The following ZNF846 variants were observed in gnomAD, a reference collection of about 807,000 sequenced individuals.
ZNF846 encodes zinc finger protein 846.
In ZNF846, 15 loss-of-function variants were observed where a neutral mutation model predicts 16.0. That is an observed-to-expected ratio of 0.94 (90% CI 0.63 to 1.45). The LOEUF (loss-of-function observed/expected upper bound fraction) is 1.45. Among genes scored for constraint, ZNF846 ranks in the 40% most tolerant of loss-of-function variants. The pLI is 0.00. For synonymous variants in ZNF846, 229 were observed against 212.0 expected (o/e 1.08, Z -0.70); for missense variants, 714 against 622.3 (o/e 1.15, Z -1.57).
At chr19:9,779,095 G>C (rs1376939010) in intron 1 of ZNF846, among the ~76,000 whole-genome samples, 1 of 152,156 alleles carries the variant, frequency 6.6e-6, no homozygotes, top group Admixed American at 6.6e-5. Context: ...ATGAGGGTTA[G>C]ATTAATATCC....
At chr19:9,761,406 A>AG (rs1416685771) in intron 4 of ZNF846, among the ~76,000 whole-genome samples, 1 of 152,106 alleles carries the variant, frequency 6.6e-6, no homozygotes, top group African/African-American at 2.4e-5. Context: ...TGGCTATGTC[A>AG]GAAGTTTTGC....
intron 4 of ZNF846, among the ~76,000 whole-genome samples, chr19:9,761,821 T>C (rs1044079462): frequency 1.3e-5 from 2 of 152,058 alleles, no homozygotes; most frequent in South Asian, 2.1e-4. Flanking sequence ...TAAGAAGGTG[T>C]TGGCAAAGGA....
intron 1 of ZNF846, among the ~76,000 whole-genome samples, chr19:9,765,915 T>C (rs1035661962): frequency 6.6e-6 from 1 of 151,628 alleles, no homozygotes; most frequent in South Asian, 2.1e-4. Context: ...ATTAAATAAA[T>C]AAATAAACAA....
At chr19:9,770,866 C>CA (rs1268426406), upstream of ZNF846, among the ~76,000 whole-genome samples, 1 of 150,260 alleles carries the variant, frequency 6.7e-6, no homozygotes, top group Admixed American at 6.6e-5. Context: ...ACAACTGTCT[C>CA]AAAAAAATAA....
At chr19:9,785,024 C>T (rs555478004) in intron 1 of ZNF846, among the ~76,000 whole-genome samples, 2 of 152,214 alleles carry the variant, frequency 1.3e-5, no homozygotes, top group African/African-American at 4.8e-5. Context: ...TCTGATCTCT[C>T]TTTTCCCCAC....
downstream of ZNF846, among the ~76,000 whole-genome samples, chr19:9,754,871 TTTTC>T (rs1423805790): frequency 6.6e-6 from 1 of 151,234 alleles, no homozygotes; most frequent in Non-Finnish European, 1.5e-5. Flanking sequence ...GGGGATTTTT[TTTTC>T]TTTTTTTGAG....
At chr19:9,765,227 C>A (rs531798071) in intron 1 of ZNF846, among the ~76,000 whole-genome samples, 192 bp from the exon 2 acceptor site, 8 of 152,034 alleles carry the variant, frequency 5.3e-5, no homozygotes, top group Admixed American at 4.6e-4. Context: ...CCAAAAAAAC[C>A]AGCCAGGTGT....
At chr19:9,754,563 T>TCAAAAAAAAAAAAAAA (rs776769152), downstream of ZNF846, among the ~76,000 whole-genome samples, 29 of 83,768 alleles carry the variant, frequency 3.5e-4, 2 homozygotes, top group African/African-American at 9.9e-4. Context: ...AGACTCTGTC[T>TCAAAAAAAAAAAAAAA]TAAAAAAAAA....
At chr19:9,759,765 T>C (rs867767865) in intron 5 of ZNF846, 95 bp downstream of exon 5, 4 of 915,532 alleles carry the variant, frequency 4.4e-6, no homozygotes, top group Admixed American at 2.7e-5. Context: ...TCAGACTTTG[T>C]TTTCTCTGGG....
exon 3 of ZNF846, chr19:9,763,404 A>G (rs766310944): frequency 5.0e-6 from 8 of 1,605,968 alleles, no homozygotes; most frequent in Non-Finnish European, 5.9e-6. Context: ...AAAGGTCACT[A>G]AGTGCTAAAC....
chr19:9,782,681 TGAGTA>T (rs1278950368), intron 1 of ZNF846, among the ~76,000 whole-genome samples: 7 of 152,224 alleles, frequency 4.6e-5, no homozygotes, highest in Middle Eastern at 3.2e-3. Flanking sequence ...GATTGTTACA[TGAGTA>T]GGAAATTAAC....
intron 5 of ZNF846, 43 bp from the exon 6 acceptor site, chr19:9,758,807 G>C: frequency 1.4e-6 from 2 of 1,438,766 alleles, no homozygotes; most frequent in Non-Finnish European, 1.9e-6. Flanking sequence ...CTCACATTCA[G>C]TATGGTAACA....
At chr19:9,777,727 T>C (rs1008119103) in intron 1 of ZNF846, among the ~76,000 whole-genome samples, 1 of 152,042 alleles carries the variant, frequency 6.6e-6, no homozygotes, top group African/African-American at 2.4e-5. Context: ...CCAGGTGCGA[T>C]GGTTCATACC....
upstream of ZNF846, among the ~76,000 whole-genome samples, chr19:9,768,904 GA>G (rs2045363125): frequency 6.6e-6 from 1 of 152,096 alleles, no homozygotes; most frequent in African/African-American, 2.4e-5. Context: ...ATCCCAGGTG[GA>G]CCAGGATCCA....
intron 5 of ZNF846, 81 bp downstream of exon 5, chr19:9,759,779 A>G (rs1459356228): frequency 3.7e-6 from 4 of 1,094,692 alleles, no homozygotes; most frequent in Non-Finnish European, 5.3e-6. Flanking sequence ...CTCTGGGTAA[A>G]TGCCATTTTC....
chr19:9,785,999 C>T (rs868165218), exon 1 of ZNF846: 41 of 151,540 alleles, frequency 2.7e-4, no homozygotes, highest in African/African-American at 9.9e-4. Flanking sequence ...GGGCAGGAGG[C>T]GCCGCTGTGG....
chr19:9,780,102 C>A (rs1398629787), intron 1 of ZNF846, among the ~76,000 whole-genome samples: 1 of 145,634 alleles, frequency 6.9e-6, no homozygotes, highest in Non-Finnish European at 1.5e-5. Flanking sequence ...TATTGCCCAG[C>A]CTGGTCTCAA....
chr19:9,774,722 C>A, intron 1 of ZNF846: 3 of 1,535,816 alleles, frequency 2.0e-6, no homozygotes, highest in East Asian at 4.5e-5. Flanking sequence ...AAAGATCTAT[C>A]ACCCAAATAT....
At chr19:9,758,328 C>T in exon 6 of ZNF846, 2 of 1,613,560 alleles carry the variant, frequency 1.2e-6, no homozygotes, top group African/African-American at 1.3e-5. Flanking sequence ...GGGCTTCTCT[C>T]CACTGTGAAT....
Sources: allele counts gnomAD v4.1 joint callset (sites outside exome capture counted in the v4.1 genomes callset), GRCh38; gene constraint gnomAD v4.1.1; transcripts MANE v1.5; gene names NCBI Gene and HGNC (gene_info 2026-07-23, HGNC 2026-07-21).